Variants in MYH14 observed in about 807,000 individuals in gnomAD.
MYH14 encodes the protein myosin-14.
MYH14 carries 123 observed loss-of-function variants against 255.5 expected under a neutral mutation model. The ratio of observed to expected loss-of-function variants is 0.48; its 90% CI spans 0.42 to 0.56. The LOEUF (loss-of-function observed/expected upper bound fraction) is 0.56, where lower values mean the gene tolerates loss of function less well. Ranked by LOEUF, MYH14 falls within the 20% of genes least tolerant of loss-of-function variation. MYH14 has a pLI of 0.00. For synonymous variants in MYH14, 1,095 were observed against 1,161.2 expected, an observed-to-expected ratio of 0.94 and a Z score of 1.16; for missense variants, 2,423 against 2,802.3, an observed-to-expected ratio of 0.86 and a Z score of 3.06.
chr19:50,271,898 C>T lies in MYH14; in HGVS notation c.3221C>T (p.Ala1074Val), dbSNP rs768039865. The change falls in exon 26 of 43, where the codon GCT (alanine) becomes GTT (valine). Residue 1074 changes from alanine (A) to valine (V), a missense_variant. Around this residue, in one of 3 missense-constraint regions of MYH14, gnomAD observed 1,513 missense variants for 1,674.8 expected, o/e 0.90. Transcript: ENST00000642316. ...CTGGCCGAGTTCTCATCCCAGGCAG[C>T]TGAGGAGGAGGAGAAGGTCAAGAGC... ...DRLAEFSSQA[A>V]EEEEKVKSLN... 1 of 1,613,286 alleles carries T rather than the reference C, an allele frequency of 6.2e-7. No individual in the cohort carries two copies. The highest frequency in any genetic ancestry group is 1.7e-5 in the Admixed American group (1 of 59,952).
At chr19:50,262,705 G>A (rs899561319) in intron 21 of MYH14, among the ~76,000 whole-genome samples, 1 of 152,040 alleles carries the variant, frequency 6.6e-6, no homozygotes, top group Non-Finnish European at 1.5e-5. Context: ...GTGTTGGGAT[G>A]GGCTGATAGG....
At chr19:50,238,273 G>A (rs2033748242) in intron 10 of MYH14, among the ~76,000 whole-genome samples, 1 of 152,082 alleles carries the variant, frequency 6.6e-6, no homozygotes, top group Non-Finnish European at 1.5e-5. Context: ...TGCGCCCTGG[G>A]GCCTGGCACA....
chr19:50,293,314 C>G lies in MYH14; in HGVS notation c.5338C>G (p.Leu1780Val), dbSNP rs1261335391. The change falls in exon 38 of 43, where the codon CTT becomes GTT. Residue 1780 changes from leucine (L) to valine (V), a missense_variant. Physicochemically the swap from Leu to Val is conservative, Grantham distance 32. Transcript: ENST00000642316. This position sits in a 1 kb window ranked among gnomAD's most constrained non-coding sequence, Gnocchi z 4.1. The part of the protein sequence containing the change: ...EMADEVANGN[L>V]SKAAILEEKR... The stretch of plus-strand genomic sequence containing the variant: ...GGCAGATGAGGTGGCCAATGGTAAC[C>G]TTAGCAAGTAAGTGCCCCAAGGGTC... The G allele has an allele frequency of 6.2e-7, 1 of 1,603,838 alleles. No homozygotes were observed. The highest frequency in any genetic ancestry group is 8.5e-7 in the Non-Finnish European group (1 of 1,175,450).
intron 39 of MYH14, among the ~76,000 whole-genome samples, chr19:50,295,269 A>G (rs7245559): frequency 0.67 from 101,446 of 151,352 alleles, 36,247 homozygotes; most frequent in East Asian, 0.99. Flanking sequence ...AGCTTGCAGT[A>G]AGCCGAGATC....
chr19:50,224,964 G>A (rs906214463), intron 6 of MYH14: 8 of 401,084 alleles, frequency 2.0e-5, no homozygotes, highest in Non-Finnish European at 3.5e-5. Context: ...AAAGTAGCTG[G>A]GCATGGTGGT....
At chr19:50,272,831 G>A in intron 27 of MYH14, 100 bp downstream of exon 27, 3 of 1,216,754 alleles carry the variant, frequency 2.5e-6, no homozygotes, top group Non-Finnish European at 3.4e-6. Flanking sequence ...AACCCCAGTG[G>A]AGCCACTCAC....
At chr19:50,216,704 G>A (rs563481647) in intron 2 of MYH14, among the ~76,000 whole-genome samples, 18 of 151,766 alleles carry the variant, frequency 1.2e-4, no homozygotes, top group Non-Finnish European at 1.2e-4. Flanking sequence ...GTTGCATTTC[G>A]GTTATTGCAG....
At chr19:50,287,492 A>C (rs1238575215) in intron 34 of MYH14, among the ~76,000 whole-genome samples, 1 of 152,028 alleles carries the variant, frequency 6.6e-6, no homozygotes, top group Admixed American at 6.6e-5. Flanking sequence ...GGCACATTGC[A>C]ACCTCAGTCT....
chr19:50,281,447 A>T, intron 32 of MYH14, 147 bp from the exon 33 acceptor site: 1 of 1,192,700 alleles, frequency 8.4e-7, no homozygotes, highest in Non-Finnish European at 1.1e-6. Flanking sequence ...ACAACTTCAC[A>T]CCACTCAGAG....
In MYH14 at chr19:50,306,993, G is replaced by T. The variant is rs192976600; in HGVS notation, c.5679-56G>T. The T allele has an allele frequency of 1.6e-3, 2,081 of 1,300,734 alleles. 3 individuals carry two copies. Among genetic ancestry groups the T allele is most frequent in the Non-Finnish European group, 1.9e-3 (1,796 of 921,082 alleles). 80.6% of individuals were successfully genotyped at this position (1,300,734 alleles called of 1,614,324 possible). ...GACAGCCACTGCATGAGTCTATGGG[G>T]ACAAAATCCTAGGTTGAGCCCCTCT... On this transcript the variant is annotated intron_variant, in intron 40 of 42. Transcript: ENST00000642316.
chr19:50,225,518 A>G, intron 6 of MYH14, 67 bp from the exon 7 acceptor site: 1 of 1,276,770 alleles, frequency 7.8e-7, no homozygotes, highest in Non-Finnish European at 1.1e-6. Flanking sequence ...ACACAGCCCG[A>G]GCTGGGCTGG....
rs2035095836 is a variant in MYH14 at position 50,266,743 on chromosome 19, A to T, written c.2695-134A>T. On this transcript the variant is annotated intron_variant, in intron 22 of 42. Transcript: ENST00000642316. The surrounding 1 kb of genome is among the most constrained non-coding windows in gnomAD (Gnocchi z 4.1). ...CAGTGTTCTAGGCCTGTGACCAGGG[A>T]CTGTTGCCAAGGCGGGGACACACAG... The T allele has an allele frequency of 9.0e-7, 1 of 1,113,640 alleles. No individual in the cohort carries two copies. The highest frequency in any genetic ancestry group is 1.5e-5 in the African/African-American group (1 of 64,568). The allele number at this position is 1,113,640 out of a possible 1,614,324, so 69.0% of individuals were successfully genotyped here. A position where few individuals can be genotyped will look rare whatever the true frequency, so the allele number is the denominator to read the frequency against.
chr19:50,260,799 A>C, intron 20 of MYH14, 84 bp downstream of exon 20: 1 of 1,017,190 alleles, frequency 9.8e-7, no homozygotes, highest in Non-Finnish European at 1.5e-6. Flanking sequence ...GTGCATGCAT[A>C]TGTGTGCATG....
Position 50,293,481 on chromosome 19 carries a change from ACC to A in MYH14, c.5346-82_5346-81del. 1 of 1,579,680 alleles carries A rather than the reference ACC, an allele frequency of 6.3e-7. No homozygotes were observed. Among genetic ancestry groups the A allele is most frequent in the Admixed American group, 1.8e-5 (1 of 54,996 alleles). Reference sequence around the variant, plus strand: ...GAGGCTGGGGAGATGCGTGGGGCTAACCACAGGGTCCTGTAGTGTGAGGCAAG... The same window carrying A: ...GAGGCTGGGGAGATGCGTGGGGCTAAACAGGGTCCTGTAGTGTGAGGCAAG... On this transcript the variant is annotated intron_variant, in intron 38 of 42. Coordinates refer to ENST00000642316, the MANE Select transcript of MYH14 (RefSeq NM_001145809.2). The surrounding 1 kb of genome is among the most constrained non-coding windows in gnomAD (Gnocchi z 4.1).
chr19:50,260,833 A>G (rs2034814001), intron 20 of MYH14, 118 bp downstream of exon 20: 7 of 709,514 alleles, frequency 9.9e-6, no homozygotes, highest in South Asian at 4.8e-5. Flanking sequence ...GTGTGTGTGC[A>G]TGCACGTGTG....
chr19:50,232,140 G>GC, intron 10 of MYH14, 70 bp downstream of exon 10: 1 of 1,579,802 alleles, frequency 6.3e-7, no homozygotes, highest in Non-Finnish European at 8.6e-7. Flanking sequence ...GGCCATTCAT[G>GC]CCCCGATCTC....
intron 2 of MYH14, among the ~76,000 whole-genome samples, chr19:50,216,806 T>C (rs2032500909): frequency 2.4e-5 from 1 of 40,982 alleles, no homozygotes; most frequent in African/African-American, 4.2e-5. Flanking sequence ...CCTTTCTTTT[T>C]TTTTTTTTTT....
At chr19:50,214,708 G>C (rs2032378973) in intron 2 of MYH14, among the ~76,000 whole-genome samples, 1 of 152,158 alleles carries the variant, frequency 6.6e-6, no homozygotes, top group Non-Finnish European at 1.5e-5. Flanking sequence ...ATGAGCCTGA[G>C]AGTTTGAGGC....
In MYH14 at chr19:50,280,700, C is replaced by T. The variant is rs1342498032; in HGVS notation, c.4290+317C>T. Reference sequence around the variant, plus strand: ...CTAACAGCTCATCCCCTGCACAGCCCCAGAAGCTTCTTTCTTTACCTGGAG... The same window carrying T: ...CTAACAGCTCATCCCCTGCACAGCCTCAGAAGCTTCTTTCTTTACCTGGAG... On this transcript the variant is annotated intron_variant, in intron 32 of 42. Transcript: ENST00000642316. The surrounding 1 kb of genome is among the most constrained non-coding windows in gnomAD (Gnocchi z 4.8). 6.6e-6 allele frequency among the ~76,000 whole-genome samples: 1 copy of T among 152,112 alleles called. No individual in the cohort carries two copies. The highest frequency in any genetic ancestry group is 2.4e-5 in the African/African-American group (1 of 41,412).
Sources: gnomAD v4.1 joint callset for allele counts (sites outside exome capture counted in the v4.1 genomes callset) on GRCh38, gnomAD v4.1.1 for gene constraint, gnomAD v4.1.1 regional missense constraint, Gnocchi (gnomAD v3.1) non-coding constraint, MANE v1.5 for transcripts, NCBI Gene and HGNC (gene_info 2026-07-23, HGNC 2026-07-21) for gene names.